WDR93: variants seen among roughly 807,000 people sequenced by gnomAD.
WDR93 encodes WD repeat-containing protein 93.
WDR93 carries 73 observed loss-of-function variants against 82.9 expected under a neutral mutation model. That is an observed-to-expected ratio of 0.88 (90% CI 0.73 to 1.07). The LOEUF is 1.07. WDR93 is among the 50% of genes least tolerant of loss of function. The pLI, the probability that WDR93 is intolerant of heterozygous loss-of-function variation, is 0.00. For synonymous variants in WDR93, 283 were observed against 300.1 expected, an observed-to-expected ratio of 0.94 and a Z score of 0.59; for missense variants, 738 against 826.0, an observed-to-expected ratio of 0.89 and a Z score of 1.31.
intron 4 of WDR93, among the ~76,000 whole-genome samples, chr15:89,710,146 T>C (rs11637540): frequency 0.21 from 31,790 of 151,958 alleles, 3,832 homozygotes; most frequent in South Asian, 0.32. Context: ...GACGACAGAG[T>C]GAGACTCCGT....
At chr15:89,736,157 G>C (rs989533110) in intron 14 of WDR93, among the ~76,000 whole-genome samples, 8 of 152,240 alleles carry the variant, frequency 5.3e-5, no homozygotes, top group Non-Finnish European at 1.2e-4. Context: ...AGCAGGGATG[G>C]AGAGTTGAGA....
At chr15:89,741,876 CA>C (rs1361452977) in intron 16 of WDR93, among the ~76,000 whole-genome samples, 1 of 152,058 alleles carries the variant, frequency 6.6e-6, no homozygotes, top group East Asian at 1.9e-4. Flanking sequence ...CTCAGCCTCC[CA>C]AGTAGCTGGG....
At chr15:89,711,380 C>T (rs866060907) in intron 4 of WDR93, among the ~76,000 whole-genome samples, 6 of 151,992 alleles carry the variant, frequency 3.9e-5, no homozygotes, top group East Asian at 1.9e-4. Flanking sequence ...TACATTAGGC[C>T]GGGCATGGTG....
intron 5 of WDR93, among the ~76,000 whole-genome samples, chr15:89,712,359 A>AT (rs60495979): frequency 0.47 from 57,854 of 121,900 alleles, 12,762 homozygotes; most frequent in African/African-American, 0.54. Context: ...TTAACTACAG[A>AT]TTTTTTTTTT....
At chr15:89,700,978 G>A (rs565719758) in intron 1 of WDR93, among the ~76,000 whole-genome samples, 994 of 94,638 alleles carry the variant, frequency 0.011, 3 homozygotes, top group Non-Finnish European at 0.014. Flanking sequence ...ATATGTGTGT[G>A]TACACACACA....
chr15:89,731,398 G>T, intron 11 of WDR93, 45 bp from the exon 12 acceptor site: 5 of 1,586,778 alleles, frequency 3.2e-6, no homozygotes, highest in Non-Finnish European at 4.3e-6. Context: ...TGATGGGTAG[G>T]TGCAGAGTCT....
intron 7 of WDR93, among the ~76,000 whole-genome samples, chr15:89,719,265 T>A (rs1438507064): frequency 6.6e-6 from 1 of 152,198 alleles, no homozygotes; most frequent in East Asian, 1.9e-4. Context: ...TTTTTAAAAA[T>A]TTTTATAGAA....
chr15:89,707,067 TA>T (rs1432653327), intron 4 of WDR93, among the ~76,000 whole-genome samples: 1 of 151,942 alleles, frequency 6.6e-6, no homozygotes, highest in Non-Finnish European at 1.5e-5. Context: ...CCAGAATATA[TA>T]AAGAACTCTC....
At chr15:89,728,769 T>G (rs971772399) in intron 9 of WDR93, among the ~76,000 whole-genome samples, 2 of 152,176 alleles carry the variant, frequency 1.3e-5, no homozygotes, top group Admixed American at 1.3e-4. Flanking sequence ...AAGACAGCTG[T>G]CTCTGGCAAG....
Position 89,723,601 on chromosome 15 carries a change from A to G in WDR93, c.880+1462A>G, listed in dbSNP as rs529426364. Among the ~76,000 whole-genome samples, 220 of 152,348 alleles carry G rather than the reference A, an allele frequency of 1.4e-3. 1 individual carries two copies. Among genetic ancestry groups the G allele is most frequent in the African/African-American group, 5.1e-3 (212 of 41,584 alleles). ...AGATAAGTGAATAATAGAAATATAG[A>G]TGAAATATAGAAATATAGATAGATA... On this transcript the variant is annotated intron_variant, in intron 8 of 16. Transcript: ENST00000268130.
At chr15:89,740,322 G>C (rs763044770) in intron 16 of WDR93, among the ~76,000 whole-genome samples, 39 of 152,090 alleles carry the variant, frequency 2.6e-4, no homozygotes, top group Admixed American at 4.6e-4. Flanking sequence ...GTAGTGGGTC[G>C]CTGGGAGGCT....
chr15:89,702,986 G>T lies in WDR93; in HGVS notation c.340G>T (p.Asp114Tyr). The stretch of plus-strand genomic sequence containing the variant: ...GCCAAATTGTATGGCTGTTTCCCAA[G>T]ACTATGTGTTTATTGGAGGAGCCAA... ...KMPNCMAVSQ[D>Y]YVFIGGAKGF... Residue 114 changes from aspartate (D) to tyrosine (Y), a missense_variant, in exon 3 of 17, where the codon GAC becomes TAC. Transcript: ENST00000268130. 1 of 1,614,172 alleles carries T rather than the reference G, an allele frequency of 6.2e-7. No individual in the cohort carries two copies. Among genetic ancestry groups the T allele is most frequent in the Non-Finnish European group, 8.5e-7 (1 of 1,180,028 alleles).
At chr15:89,722,028 A>G in intron 7 of WDR93, 27 bp from the exon 8 acceptor site, 1 of 1,450,474 alleles carries the variant, frequency 6.9e-7, no homozygotes, top group South Asian at 1.2e-5. Context: ...CTCTTGGCTT[A>G]TTAACTATGC....
At position 89,743,352 on chromosome 15, in the gene WDR93, G is replaced by A; in HGVS notation, c.2022G>A (p.Arg674=). 6.2e-7 allele frequency: 1 copy of A among 1,614,164 alleles called. No homozygotes were observed. Among genetic ancestry groups the A allele is most frequent in the Non-Finnish European group, 8.5e-7 (1 of 1,180,024 alleles). Residue 674 remains arginine (R), a synonymous_variant, in exon 17 of 17, where the codon AGG becomes AGA. Transcript: ENST00000268130. ...AGGAGCACTGGGCCCGGCTTCAGAG[G>A]TACTCCTTGTCGCTCCAGAGAGAGA... ...KEEEHWARLQ[R]YSLSLQRENF... is the part of the protein sequence containing the mutation.
intron 1 of WDR93, among the ~76,000 whole-genome samples, chr15:89,697,220 A>G (rs533862487): frequency 2.0e-5 from 3 of 152,110 alleles, no homozygotes; most frequent in Non-Finnish European, 4.4e-5. Flanking sequence ...TGGCCTCCCA[A>G]AGTGCTTGGA....
intron 15 of WDR93, 80 bp from the exon 16 acceptor site, chr15:89,737,961 C>G: frequency 7.0e-7 from 1 of 1,437,874 alleles, no homozygotes; most frequent in Non-Finnish European, 9.5e-7. Context: ...AGAGAGCAGC[C>G]CCCACCTGCT....
At chr15:89,716,971 C>A (rs778009244) in intron 7 of WDR93, 22 bp downstream of exon 7, 3 of 1,448,060 alleles carry the variant, frequency 2.1e-6, no homozygotes, top group Non-Finnish European at 2.8e-6. Context: ...TAAAGAAAAT[C>A]TCCAGAGAGA....
intron 4 of WDR93, among the ~76,000 whole-genome samples, chr15:89,706,124 T>A (rs1367506554): frequency 1.3e-5 from 2 of 152,142 alleles, no homozygotes; most frequent in Non-Finnish European, 2.9e-5. Flanking sequence ...GAGAACACAG[T>A]TTCTACCACA....
At chr15:89,726,501 G>T (rs1371137) in intron 8 of WDR93, among the ~76,000 whole-genome samples, 16 of 152,012 alleles carry the variant, frequency 1.1e-4, no homozygotes, top group Non-Finnish European at 2.2e-4. Flanking sequence ...GGAATCTCCT[G>T]GGCAACTTGA....
Sources: allele counts gnomAD v4.1 joint callset (sites outside exome capture counted in the v4.1 genomes callset), GRCh38; gene constraint gnomAD v4.1.1; transcripts MANE v1.5; gene names NCBI Gene and HGNC (gene_info 2026-07-23, HGNC 2026-07-21).